Variants in TENM3 observed in about 807,000 individuals in gnomAD.
The protein encoded by TENM3 is teneurin transmembrane protein 3.
A neutral mutation model predicts 255.1 loss-of-function variants in TENM3; 63 were observed. The observed-to-expected ratio is 0.25, with a 90% CI of 0.20 to 0.30. The LOEUF (loss-of-function observed/expected upper bound fraction) is 0.30. Ranked by LOEUF, TENM3 falls within the 10% of genes least tolerant of loss-of-function variation. The probability of loss-of-function intolerance (pLI) is 1.00; values close to 1 mark genes in which losing one functional copy is unlikely to be tolerated. For synonymous variants in TENM3, 1,306 were observed against 1,322.3 expected (o/e 0.99, Z 0.27); for missense variants, 2,929 against 3,461.1 (o/e 0.85, Z 3.86).
chr4:182,762,150 A>C (rs1421042985), intron 22 of TENM3, among the ~76,000 whole-genome samples: 2 of 152,234 alleles, frequency 1.3e-5, no homozygotes, highest in Admixed American at 1.3e-4. Flanking sequence ...AGATTTTCTC[A>C]GTTCATCGGC....
At chr4:182,648,903 G>T (rs1477794290) in intron 5 of TENM3, among the ~76,000 whole-genome samples, 1 of 152,174 alleles carries the variant, frequency 6.6e-6, no homozygotes, top group Non-Finnish European at 1.5e-5. Context: ...TCTGCCAGCA[G>T]TTCATTCCCT....
At chr4:182,504,632 G>T (rs1171249577) in intron 3 of TENM3, among the ~76,000 whole-genome samples, 1 of 152,190 alleles carries the variant, frequency 6.6e-6, no homozygotes, top group East Asian at 1.9e-4. Flanking sequence ...GAATGAAGAG[G>T]CCTAGGTGGG....
chr4:181,684,353 G>A, the TENM3 span, among the ~76,000 whole-genome samples: 2 of 152,170 alleles, frequency 1.3e-5, no homozygotes, highest in Non-Finnish European at 2.9e-5. Context: ...TCTTTCTGCT[G>A]CCTTCCTACT....
the TENM3 span, among the ~76,000 whole-genome samples, chr4:181,839,468 A>G: frequency 6.8e-6 from 1 of 146,772 alleles, no homozygotes; most frequent in South Asian, 2.1e-4. Flanking sequence ...ATCTATATAT[A>G]TATACAAAAT....
chr4:182,582,110 A>G (rs1017737142), intron 3 of TENM3, among the ~76,000 whole-genome samples: 1 of 152,210 alleles, frequency 6.6e-6, no homozygotes, highest in African/African-American at 2.4e-5. Flanking sequence ...TGCTTCTGCT[A>G]TCACGGCTGG....
chr4:182,614,729 G>A lies in TENM3; in HGVS notation c.749+13568G>A, dbSNP rs1056058155. On this transcript the variant is annotated intron_variant, in intron 4 of 27. Transcript: ENST00000511685. ...TTTAAGTTCTCCTGCACACACTCTCGAAAGCATGTTTTAAAATTATTTCTA... is the reference window on the plus strand; with the variant it reads ...TTTAAGTTCTCCTGCACACACTCTCAAAAGCATGTTTTAAAATTATTTCTA... Among the ~76,000 whole-genome samples, 5 of 151,866 alleles carry A rather than the reference G, an allele frequency of 3.3e-5. No homozygotes were observed. In the East Asian group the frequency reaches 7.7e-4, roughly 23 times the overall value.
chr4:181,871,607 G>A, the TENM3 span, among the ~76,000 whole-genome samples: 4 of 152,034 alleles, frequency 2.6e-5, no homozygotes, highest in African/African-American at 9.7e-5. Context: ...AATAGAAGCG[G>A]TGAGAACAAA....
At chr4:181,710,848 CG>C in the TENM3 span, among the ~76,000 whole-genome samples, 1 of 145,826 alleles carries the variant, frequency 6.9e-6, no homozygotes, top group South Asian at 2.2e-4. Flanking sequence ...CGCGCCCGGC[CG>C]AGACTCCATC....
chr4:181,505,132 G>C, the TENM3 span, among the ~76,000 whole-genome samples: 2 of 152,160 alleles, frequency 1.3e-5, no homozygotes, highest in South Asian at 4.1e-4. Flanking sequence ...CTCGATATCA[G>C]GTGTGCTGTG....
the TENM3 span, among the ~76,000 whole-genome samples, chr4:181,750,307 T>G: frequency 6.6e-6 from 1 of 152,170 alleles, no homozygotes; most frequent in African/African-American, 2.4e-5. Context: ...TGGTGCCTAG[T>G]ATGTGTCCTA....
rs549110002 is a variant in TENM3, at chr4:182,494,927, A to G, written c.512-105997A>G. Among the ~76,000 whole-genome samples, 21 of 152,330 alleles carry G rather than the reference A, an allele frequency of 1.4e-4. No homozygotes were observed. The South Asian group carries it at 1.5e-3, about 11-fold the overall frequency. On this transcript the variant is annotated intron_variant, in intron 3 of 27. Coordinates refer to ENST00000511685, the MANE Select transcript of TENM3 (RefSeq NM_001080477.4). The stretch of plus-strand genomic sequence containing the variant: ...GATCACCTTTCACATGGGAAGTACT[A>G]TTGGAGGTCTTTAGCCTCTAGTGCA...
At chr4:182,335,451 C>A (rs540562898) in intron 2 of TENM3, among the ~76,000 whole-genome samples, 2 of 130,574 alleles carry the variant, frequency 1.5e-5, no homozygotes, top group Non-Finnish European at 3.3e-5. Flanking sequence ...GCCGAGATCG[C>A]GCCACCGCAC....
chr4:181,641,545 GGTGTGTGT>G, the TENM3 span, among the ~76,000 whole-genome samples: 44 of 23,952 alleles, frequency 1.8e-3, no homozygotes, highest in Middle Eastern at 0.026. Flanking sequence ...AGTATTCCAT[GGTGTGTGT>G]GTATATATAT....
At chr4:182,798,297 C>G (rs1037054470) in intron 27 of TENM3, among the ~76,000 whole-genome samples, 1 of 152,214 alleles carries the variant, frequency 6.6e-6, no homozygotes, top group African/African-American at 2.4e-5. Context: ...CATGAGCCAC[C>G]GGGCTCTGCC....
the TENM3 span, among the ~76,000 whole-genome samples, chr4:181,602,652 A>T: frequency 6.6e-6 from 1 of 152,328 alleles, no homozygotes; most frequent in South Asian, 2.1e-4. Context: ...AGGGAAAAAG[A>T]GGTGGCAGAA....
intron 3 of TENM3, among the ~76,000 whole-genome samples, chr4:182,384,393 T>TCTACTGC (rs1767767991): frequency 1.3e-5 from 2 of 151,832 alleles, no homozygotes; most frequent in Admixed American, 1.3e-4. Context: ...TAGACGCAGG[T>TCTACTGC]AGGTGTCACT....
At chr4:182,130,205 G>A in the TENM3 span, among the ~76,000 whole-genome samples, 16 of 152,026 alleles carry the variant, frequency 1.1e-4, no homozygotes, top group Admixed American at 3.9e-4. Flanking sequence ...TTTAGTTATC[G>A]AGTTAAAGAA....
chr4:181,922,502 A>G, the TENM3 span, among the ~76,000 whole-genome samples: 15 of 151,892 alleles, frequency 9.9e-5, no homozygotes, highest in Admixed American at 7.2e-4. Context: ...TTTCTTCTAG[A>G]TTTTCTAGTT....
At chr4:182,788,952 C>T (rs1765893842) in intron 24 of TENM3, 141 bp from the exon 25 acceptor site, 5 of 680,894 alleles carry the variant, frequency 7.3e-6, no homozygotes, top group Non-Finnish European at 9.6e-6. Context: ...AATCTACTGC[C>T]TTGCACTTGT....
Sources: gnomAD v4.1 joint callset for allele counts (sites outside exome capture counted in the v4.1 genomes callset) on GRCh38, gnomAD v4.1.1 for gene constraint, MANE v1.5 for transcripts, NCBI Gene and HGNC (gene_info 2026-07-23, HGNC 2026-07-21) for gene names.